Variants in JMJD1C observed in about 807,000 individuals in gnomAD.
JMJD1C encodes the protein jumonji domain-containing protein 1C.
Under a neutral mutation model 245.3 loss-of-function variants are expected in JMJD1C, and 31 were observed. That is an observed-to-expected ratio of 0.13 (90% CI 0.09 to 0.17). The LOEUF is 0.17. JMJD1C is among the 10% of genes least tolerant of loss of function. The pLI is 1.00. For missense variants in JMJD1C, 2,691 were observed against 3,000.2 expected (o/e 0.90, Z 2.41); for synonymous variants, 1,057 against 1,017.4 (o/e 1.04, Z -0.74).
chr10:63,256,378 T>C (rs1853930333), intron 3 of JMJD1C, among the ~76,000 whole-genome samples: 1 of 152,180 alleles, frequency 6.6e-6, no homozygotes, highest in Non-Finnish European at 1.5e-5. Context: ...ATTATAGCTA[T>C]ATAAAATCAT....
intron 2 of JMJD1C, among the ~76,000 whole-genome samples, chr10:63,369,472 G>C (rs1412909216): frequency 2.0e-5 from 3 of 152,104 alleles, no homozygotes; most frequent in Non-Finnish European, 4.4e-5. Context: ...CAATAGTCCT[G>C]CATGAATTTT....
intron 3 of JMJD1C, among the ~76,000 whole-genome samples, chr10:63,245,026 A>G (rs193178522): frequency 6.7e-6 from 1 of 149,352 alleles, no homozygotes; most frequent in African/African-American, 2.4e-5. Flanking sequence ...AATCCTAGCT[A>G]TTCGGGAGGC....
At chr10:63,382,896 C>T (rs1947320995) in intron 1 of JMJD1C, 1 of 455,404 alleles carries the variant, frequency 2.2e-6, no homozygotes, top group African/African-American at 2.0e-5. Context: ...AACTTCAACT[C>T]CAACTTAGCT....
chr10:63,336,543 G>A (rs948757265), intron 2 of JMJD1C, among the ~76,000 whole-genome samples: 12 of 151,962 alleles, frequency 7.9e-5, no homozygotes, highest in African/African-American at 2.2e-4. Context: ...TCCACATCAC[G>A]ATCCCTAAAG....
chr10:63,189,877 C>CAT lies in JMJD1C; in HGVS notation c.6292-433_6292-432dup, dbSNP rs548503862. 1.1e-3 allele frequency among the ~76,000 whole-genome samples: 173 copies of CAT among 151,426 alleles called. 1 individual carries two copies. Among genetic ancestry groups the CAT allele is most frequent in the Middle Eastern group, 0.01 (3 of 292 alleles). ...AGGCATGATTGACCCCCCAATACTC[C>CAT]ATATATATATACACATTTTTTTTTT... is the stretch of plus-strand genomic sequence containing the variant. On this transcript the variant is annotated intron_variant, in intron 17 of 25. Transcript: ENST00000399262.
At chr10:63,315,604 C>T (rs1417431866) in intron 2 of JMJD1C, among the ~76,000 whole-genome samples, 1 of 151,398 alleles carries the variant, frequency 6.6e-6, no homozygotes, top group Non-Finnish European at 1.5e-5. Context: ...TTTGGGAGGC[C>T]GAGGCAGCGG....
chr10:63,256,311 T>C (rs1478430218), intron 3 of JMJD1C, among the ~76,000 whole-genome samples: 2 of 152,172 alleles, frequency 1.3e-5, no homozygotes, highest in Non-Finnish European at 2.9e-5. Flanking sequence ...TAGCAACAGA[T>C]ATGTACTGGG....
intron 14 of JMJD1C, among the ~76,000 whole-genome samples, 159 bp downstream of exon 14, chr10:63,194,127 T>C (rs1845172970): frequency 6.6e-6 from 1 of 152,250 alleles, no homozygotes; most frequent in Admixed American, 6.5e-5. Flanking sequence ...ACTTATCTTC[T>C]GAGCTTTATT....
intron 8 of JMJD1C, among the ~76,000 whole-genome samples, chr10:63,211,044 T>C (rs756442041): frequency 6.6e-6 from 1 of 152,212 alleles, no homozygotes; most frequent in Non-Finnish European, 1.5e-5. Flanking sequence ...CCAAAGGTCA[T>C]ATGAAAGTAG....
chr10:63,222,321 A>G, intron 3 of JMJD1C: 1 of 1,327,928 alleles, frequency 7.5e-7, no homozygotes, highest in Non-Finnish European at 1.1e-6. Flanking sequence ...AATCTACAAG[A>G]CAGTAAAGAT....
chr10:63,260,451 T>C (rs891490480), intron 3 of JMJD1C, among the ~76,000 whole-genome samples: 3 of 152,182 alleles, frequency 2.0e-5, no homozygotes, highest in Non-Finnish European at 4.4e-5. Context: ...AAAAGCTAAA[T>C]ATTTCATTTC....
chr10:63,462,111 G>C lies in JMJD1C; in HGVS notation c.168+3384C>G, dbSNP rs77222197. On this transcript the variant is annotated intron_variant, in intron 1 of 25. Transcript: ENST00000399262. ...ACTCAAAATGAAAAAGGTTCACAATGTGCTGTATATATTTCAACTTCTTCA... is the reference window on the plus strand; with the variant it reads ...ACTCAAAATGAAAAAGGTTCACAATCTGCTGTATATATTTCAACTTCTTCA... Among the ~76,000 whole-genome samples the C allele has an allele frequency of 6.2e-3, 940 of 152,270 alleles. 2 individuals are homozygous for C. The highest frequency in any genetic ancestry group is 0.011 in the Admixed American group (170 of 15,292).
In JMJD1C at chr10:63,198,646, C is replaced by T. The variant is rs528621191; in HGVS notation, c.5358G>A (p.Leu1786=). 1 of 1,612,706 alleles carries T rather than the reference C, an allele frequency of 6.2e-7. No homozygotes were observed. The highest frequency in any genetic ancestry group is 2.2e-5 in the East Asian group (1 of 44,708). Residue 1786 remains leucine (L), a synonymous_variant, in exon 12 of 26, where the codon TTG becomes TTA. Transcript: ENST00000399262. ...CATCTTCAAAATTTTCATGTGTCCA[C>T]AAACTCATAGCTTCATCATCATATT... is the stretch of plus-strand genomic sequence containing the variant. ...PDQYDDEAMS[L]WTHENFEDDE... is the part of the protein sequence containing the mutation.
At chr10:63,260,078 T>C (rs1235660200) in intron 3 of JMJD1C, among the ~76,000 whole-genome samples, 2 of 152,172 alleles carry the variant, frequency 1.3e-5, no homozygotes, top group Non-Finnish European at 2.9e-5. Context: ...AGGTCTAGGA[T>C]TTATGATTCT....
chr10:63,359,174 C>G (rs990864773), intron 2 of JMJD1C: 1 of 152,320 alleles, frequency 6.6e-6, no homozygotes, highest in African/African-American at 2.4e-5. Flanking sequence ...GTTTTAGTAT[C>G]ATCTTAGAGA....
At chr10:63,389,274 T>C (rs1589648230) in intron 1 of JMJD1C, among the ~76,000 whole-genome samples, 1 of 118,320 alleles carries the variant, frequency 8.5e-6, no homozygotes, top group African/African-American at 3.4e-5. Flanking sequence ...ATCGTGCCAA[T>C]ACAGTCCAGC....
intron 2 of JMJD1C, among the ~76,000 whole-genome samples, chr10:63,319,618 C>T (rs918551760): frequency 2.0e-5 from 3 of 152,016 alleles, no homozygotes; most frequent in Admixed American, 6.6e-5. Flanking sequence ...GATGTCAATA[C>T]CTTTATTTCT....
At chr10:63,277,727 A>ATTTATTTT (rs1389505532) in intron 2 of JMJD1C, among the ~76,000 whole-genome samples, 1 of 83,166 alleles carries the variant, frequency 1.2e-5, no homozygotes, top group African/African-American at 5.3e-5. Flanking sequence ...AGTAATTTGC[A>ATTTATTTT]TTTCTTTTTT....
In JMJD1C at chr10:63,362,820, A is replaced by C. The variant is rs550921195; in HGVS notation, c.333+17498T>G. 2.6e-4 allele frequency among the ~76,000 whole-genome samples: 39 copies of C among 152,140 alleles called. 1 individual carries two copies. Among genetic ancestry groups the C allele is most frequent in the Admixed American group, 5.9e-4 (9 of 15,266 alleles). ...TATATATAATTCCTAAAATATGATCAGTGCTTAGAAGACTGAGGATCCCTG... is the reference window on the plus strand; with the variant it reads ...TATATATAATTCCTAAAATATGATCCGTGCTTAGAAGACTGAGGATCCCTG... On this transcript the variant is annotated intron_variant, in intron 2 of 25. Transcript: ENST00000399262.
Sources: gnomAD v4.1 joint callset for allele counts (sites outside exome capture counted in the v4.1 genomes callset) on GRCh38, gnomAD v4.1.1 for gene constraint, MANE v1.5 for transcripts, NCBI Gene and HGNC (gene_info 2026-07-23, HGNC 2026-07-21) for gene names.